Variants in COPS7B observed in about 807,000 individuals in gnomAD.
COPS7B encodes COP9 signalosome subunit 7B, also known as COP9 signalosome complex subunit 7b.
COPS7B carries 9 observed loss-of-function variants against 33.4 expected under a neutral mutation model. The ratio of observed to expected loss-of-function variants is 0.27; its 90% confidence interval spans 0.16 to 0.47. The LOEUF is 0.47. COPS7B is among the 20% of genes least tolerant of loss of function. The probability of loss-of-function intolerance (pLI) is 0.99; values close to 1 mark genes in which losing one functional copy is unlikely to be tolerated. For missense variants in COPS7B, 242 were observed against 318.2 expected (o/e 0.76, Z 1.82); for synonymous variants, 119 against 126.3 (o/e 0.94, Z 0.39).
At chr2:231,803,663 T>G (rs1049344517) in intron 6 of COPS7B, among the ~76,000 whole-genome samples, 1 of 152,158 alleles carries the variant, frequency 6.6e-6, no homozygotes, top group African/African-American at 2.4e-5. Context: ...TTAAATAGAA[T>G]TGAGTCACCA....
Position 231,786,477 on chromosome 2 carries a change from C to G in COPS7B, c.-78C>G. ...GGGGTGATCATGGACGCTTGACAAC[C>G]TGCGGGCAGGCGCCGGGAGGCCGAG... On this transcript the variant is annotated 5_prime_UTR_variant, in exon 1 of 7. Coordinates refer to ENST00000350033, the MANE Select transcript of COPS7B (RefSeq NM_022730.4). The G allele has an allele frequency of 1.0e-6, 1 of 986,010 alleles. No individual in the cohort carries two copies. Among genetic ancestry groups the G allele is most frequent in the Non-Finnish European group, 1.2e-6 (1 of 830,098 alleles). The allele number at this position is 986,010 out of a possible 1,614,324, so 61.1% of individuals were successfully genotyped here.
intron 5 of COPS7B, among the ~76,000 whole-genome samples, chr2:231,796,617 G>A (rs1042358144): frequency 2.0e-5 from 3 of 152,170 alleles, no homozygotes; most frequent in Non-Finnish European, 4.4e-5. Context: ...GCTGTGTGAG[G>A]CTAGTCCTGC....
intron 6 of COPS7B, among the ~76,000 whole-genome samples, chr2:231,799,384 T>G (rs2049676626): frequency 6.6e-6 from 1 of 152,220 alleles, no homozygotes; most frequent in Non-Finnish European, 1.5e-5. Context: ...TTCTGCTTCT[T>G]AAGTTGCGTG....
chr2:231,796,696 G>A (rs1198152943), intron 5 of COPS7B, among the ~76,000 whole-genome samples: 1 of 152,092 alleles, frequency 6.6e-6, no homozygotes, highest in Admixed American at 6.5e-5. Context: ...TTCTTTCTTT[G>A]TTTTTATTAT....
At chr2:231,797,468 G>A (rs1255237544) in intron 5 of COPS7B, among the ~76,000 whole-genome samples, 1 of 152,202 alleles carries the variant, frequency 6.6e-6, no homozygotes, top group Non-Finnish European at 1.5e-5. Context: ...ACAAAATCTA[G>A]TTTCTGAACC....
intron 5 of COPS7B, 78 bp downstream of exon 5, chr2:231,796,386 A>C (rs2049571232): frequency 7.2e-7 from 1 of 1,397,702 alleles, no homozygotes; most frequent in African/African-American, 1.4e-5. Context: ...CCCTGGTGTC[A>C]GCTGAGGGTT....
chr2:231,783,017 TTC>T (rs2049165837), upstream of COPS7B, among the ~76,000 whole-genome samples: 1 of 152,240 alleles, frequency 6.6e-6, no homozygotes, highest in Admixed American at 6.5e-5. Flanking sequence ...TAGATCAGTT[TTC>T]TCTGTTCTTG....
At position 231,788,658 on chromosome 2, in the gene COPS7B, C is replaced by T. The variant is rs1262762471; in HGVS notation, c.88C>T (p.Leu30Phe). Residue 30 changes from leucine to phenylalanine, a missense_variant, in exon 2 of 7, where the codon CTC (leucine) becomes TTC (phenylalanine). Coordinates refer to ENST00000350033, the MANE Select transcript of COPS7B (RefSeq NM_022730.4). Reference protein sequence around the residue: ...KGTSGSALTALISQVLEAPGV... With the variant: ...KGTSGSALTAFISQVLEAPGV... ...TACCAGTGGCTCAGCCCTCACTGCT[C>T]TCATAAGCCAGGTCTTAGAGGCTCC... The T allele has an allele frequency of 2.5e-6, 4 of 1,614,090 alleles. No individual in the cohort carries two copies.
At chr2:231,807,350 T>C in intron 6 of COPS7B, 137 bp from the exon 7 acceptor site, 1 of 835,246 alleles carries the variant, frequency 1.2e-6, no homozygotes, top group Non-Finnish European at 1.8e-6. Flanking sequence ...TCGTTTCTGC[T>C]CATCTGGATT....
intron 4 of COPS7B, among the ~76,000 whole-genome samples, chr2:231,795,669 A>G (rs1417948183): frequency 6.6e-6 from 1 of 152,202 alleles, no homozygotes; most frequent in African/African-American, 2.4e-5. Context: ...CTGGCCTGCA[A>G]GTTTTTTTTG....
upstream of COPS7B, among the ~76,000 whole-genome samples, chr2:231,785,460 T>C (rs985609670): frequency 6.6e-6 from 1 of 152,220 alleles, no homozygotes; most frequent in Non-Finnish European, 1.5e-5. Context: ...TGTCTGTTTT[T>C]TTCTTCCCCA....
At chr2:231,798,718 C>T (rs1043309444) in intron 5 of COPS7B, 141 bp from the exon 6 acceptor site, 15 of 639,532 alleles carry the variant, frequency 2.3e-5, no homozygotes, top group Admixed American at 5.6e-5. Context: ...AAGGAGTGAA[C>T]GGGCAAGAGA....
upstream of COPS7B, among the ~76,000 whole-genome samples, chr2:231,782,475 C>G (rs978071314): frequency 3.3e-5 from 5 of 152,308 alleles, no homozygotes; most frequent in African/African-American, 1.2e-4. Flanking sequence ...TTGGAAACCT[C>G]CTCTGTCCTT....
chr2:231,781,761 G>C (rs867502249), upstream of COPS7B: 4 of 1,406,262 alleles, frequency 2.8e-6, no homozygotes, highest in Middle Eastern at 1.7e-4. Flanking sequence ...CCGCTGAGTT[G>C]GTCGTTTCGG....
chr2:231,801,175 C>G, intron 6 of COPS7B: 1 of 1,550,486 alleles, frequency 6.4e-7, no homozygotes, highest in Non-Finnish European at 8.7e-7. Context: ...GTGATGTCCC[C>G]CTCCTGAATC....
intron 6 of COPS7B, among the ~76,000 whole-genome samples, chr2:231,803,384 G>T (rs2049802053): frequency 6.6e-6 from 1 of 152,158 alleles, no homozygotes; most frequent in South Asian, 2.1e-4. Context: ...TGAGTGCAGG[G>T]CATGTGTTGA....
At chr2:231,792,163 C>A in intron 3 of COPS7B, 1 of 466,290 alleles carries the variant, frequency 2.1e-6, no homozygotes. Context: ...ATAATACCAG[C>A]ATATTGAAGA....
At position 231,788,665 on chromosome 2, in the gene COPS7B, G is replaced by A; in HGVS notation, c.95G>A (p.Ser32Asn). The A allele has an allele frequency of 6.2e-7, 1 of 1,614,210 alleles. No homozygotes were observed. Among genetic ancestry groups the A allele is most frequent in the Non-Finnish European group, 8.5e-7 (1 of 1,180,032 alleles). The change falls in exon 2 of 7, where the codon AGC (serine) becomes AAC (asparagine). Residue 32 changes from serine (S) to asparagine (N), a missense_variant. Transcript: ENST00000350033. ...GGCTCAGCCCTCACTGCTCTCATAA[G>A]CCAGGTCTTAGAGGCTCCCGGAGTG... ...TSGSALTALISQVLEAPGVYV... is the reference protein window; with the variant it reads ...TSGSALTALINQVLEAPGVYV...
chr2:231,785,373 TTC>T (rs1240271064), upstream of COPS7B, among the ~76,000 whole-genome samples: 3 of 152,226 alleles, frequency 2.0e-5, no homozygotes, highest in Admixed American at 6.5e-5. Context: ...CACTCTGGGT[TTC>T]TTTTTGACAT....
Sources: allele counts gnomAD v4.1 joint callset (sites outside exome capture counted in the v4.1 genomes callset), GRCh38; gene constraint gnomAD v4.1.1; transcripts MANE v1.5; gene names NCBI Gene and HGNC (gene_info 2026-07-23, HGNC 2026-07-21).